The following SERPINB7 variants were observed in gnomAD, a reference collection of about 807,000 sequenced individuals.
The protein encoded by SERPINB7 is serpin family B member 7.
A neutral mutation model predicts 37.4 loss-of-function variants in SERPINB7; 31 were observed. The observed-to-expected ratio is 0.83, with a 90% CI of 0.62 to 1.12. The LOEUF is 1.12. Among genes scored for constraint, SERPINB7 ranks in the 50% most tolerant of loss-of-function variants. The pLI is 0.00. For missense variants in SERPINB7, 521 were observed against 455.3 expected, an observed-to-expected ratio of 1.14 and a Z score of -1.31; for synonymous variants, 163 against 166.1, an observed-to-expected ratio of 0.98 and a Z score of 0.14.
At chr18:63,782,586 C>A in intron 2 of SERPINB7, 46 bp downstream of exon 2, 2 of 1,526,050 alleles carry the variant, frequency 1.3e-6, no homozygotes, top group South Asian at 2.6e-5. Flanking sequence ...AATTGTTTTT[C>A]CCACGAGAAC....
At chr18:63,767,867 T>C (rs2049189082) in intron 1 of SERPINB7, among the ~76,000 whole-genome samples, 1 of 152,084 alleles carries the variant, frequency 6.6e-6, no homozygotes, top group South Asian at 2.1e-4. Flanking sequence ...ATTCAGGTGA[T>C]TTGTTTAATA....
At chr18:63,769,952 T>C (rs1484900733) in intron 1 of SERPINB7, among the ~76,000 whole-genome samples, 1 of 151,166 alleles carries the variant, frequency 6.6e-6, no homozygotes, top group Non-Finnish European at 1.5e-5. Context: ...GGATCCCACC[T>C]CACGACTTGG....
chr18:63,803,436 C>T (rs1212104367), intron 7 of SERPINB7, among the ~76,000 whole-genome samples: 4 of 152,062 alleles, frequency 2.6e-5, no homozygotes, highest in African/African-American at 7.2e-5. Context: ...GAAGAAATGT[C>T]CTTATGTAAG....
chr18:63,804,704 A>G lies in SERPINB7; in HGVS notation c.*69A>G. The G allele has an allele frequency of 6.9e-7, 1 of 1,441,236 alleles. No homozygotes were observed. The highest frequency in any genetic ancestry group is 1.4e-5 in the South Asian group (1 of 73,484). The allele number at this position is 1,441,236 out of a possible 1,614,324, so 89.3% of individuals were successfully genotyped here. A position where few individuals can be genotyped will look rare whatever the true frequency, so the allele number is the denominator to read the frequency against. ...GAACCACCACAAGTCAATAGATTTG[A>G]GTTTAATTGGAAAAATGTGGTGTTT... On this transcript the variant is annotated 3_prime_UTR_variant, in exon 8 of 8. Coordinates refer to ENST00000398019, the MANE Select transcript of SERPINB7 (RefSeq NM_003784.4).
chr18:63,774,965 T>G (rs1457881482), upstream of SERPINB7, among the ~76,000 whole-genome samples: 1 of 152,034 alleles, frequency 6.6e-6, no homozygotes, highest in Non-Finnish European at 1.5e-5. Flanking sequence ...TGTGTGAGAT[T>G]CTATTTTAGG....
chr18:63,778,722 T>C (rs1484736529), intron 1 of SERPINB7, among the ~76,000 whole-genome samples: 1 of 152,122 alleles, frequency 6.6e-6, no homozygotes, highest in African/African-American at 2.4e-5. Flanking sequence ...TTATTGTTGT[T>C]TTGATGCTAA....
Position 63,798,621 on chromosome 18 carries a change from A to G in SERPINB7, c.472A>G (p.Ile158Val). Residue 158 changes from isoleucine to valine, a missense_variant, in exon 6 of 8, where the codon ATT becomes GTT. Coordinates refer to ENST00000398019, the MANE Select transcript of SERPINB7 (RefSeq NM_003784.4). ...NETHGKIKNV[I>V]GEGGISSSAV... ...TTCAAAAGGCAAAATCAAGAACGTGATTGGTGAAGGTGGCATAAGCTCATC... is the reference window on the plus strand; with the variant it reads ...TTCAAAAGGCAAAATCAAGAACGTGGTTGGTGAAGGTGGCATAAGCTCATC... 6.4e-7 allele frequency: 1 copy of G among 1,567,154 alleles called. No homozygotes were observed. Among genetic ancestry groups the G allele is most frequent in the Non-Finnish European group, 8.6e-7 (1 of 1,158,294 alleles).
chr18:63,785,563 A>G (rs2049355434), intron 2 of SERPINB7, among the ~76,000 whole-genome samples: 1 of 152,138 alleles, frequency 6.6e-6, no homozygotes, highest in East Asian at 1.9e-4. Context: ...AGTATAGAGT[A>G]AATATATATG....
intron 2 of SERPINB7, among the ~76,000 whole-genome samples, chr18:63,785,070 C>G (rs1266710003): frequency 6.6e-6 from 1 of 152,156 alleles, no homozygotes; most frequent in Non-Finnish European, 1.5e-5. Flanking sequence ...TTTTATAACT[C>G]TTACTATTAT....
intron 5 of SERPINB7, among the ~76,000 whole-genome samples, chr18:63,797,568 A>G (rs530326956): frequency 6.6e-6 from 1 of 152,254 alleles, no homozygotes; most frequent in African/African-American, 2.4e-5. Context: ...TAATTACTCT[A>G]ATTTTTCATA....
At chr18:63,794,516 C>G (rs1291069241) in intron 4 of SERPINB7, among the ~76,000 whole-genome samples, 1 of 151,898 alleles carries the variant, frequency 6.6e-6, no homozygotes, top group Non-Finnish European at 1.5e-5. Flanking sequence ...CGGTGAAACC[C>G]TGTCTCTACT....
At chr18:63,772,955 C>T (rs373305700), upstream of SERPINB7, among the ~76,000 whole-genome samples, 13 of 151,968 alleles carry the variant, frequency 8.6e-5, no homozygotes, top group Admixed American at 4.6e-4. Context: ...GTGAAAGCTG[C>T]GATTATTCAT....
At chr18:63,776,817 A>T (rs1284417063) in intron 1 of SERPINB7, among the ~76,000 whole-genome samples, 1 of 151,918 alleles carries the variant, frequency 6.6e-6, no homozygotes, top group Non-Finnish European at 1.5e-5. Flanking sequence ...TGGAGTTAAT[A>T]ATTATCAAAT....
chr18:63,802,269 G>A (rs1720867), intron 7 of SERPINB7, among the ~76,000 whole-genome samples: 18,517 of 152,136 alleles, frequency 0.12, 1,875 homozygotes, highest in East Asian at 0.42. Context: ...GGTGGGGGCC[G>A]TGCAAGCCAG....
At position 63,778,091 on chromosome 18, in the gene SERPINB7, C is replaced by T. The variant is rs146251135; in HGVS notation, c.-19+2375C>T. On this transcript the variant is annotated intron_variant, in intron 1 of 7. Transcript: ENST00000398019. ...TGTCATGGGAGAATGGCATGGGAAT[C>T]GGATGCCAGCTGAAAAATTTGTGTT... The T allele has an allele frequency of 7.0e-3, 1,069 of 152,092 alleles. 9 individuals carry two copies. The highest frequency in any genetic ancestry group is 0.01 in the Non-Finnish European group (697 of 67,982). 9.4% of individuals were successfully genotyped at this position (152,092 alleles called of 1,614,324 possible).
At chr18:63,764,589 G>A (rs988850227) in intron 1 of SERPINB7, among the ~76,000 whole-genome samples, 1 of 152,020 alleles carries the variant, frequency 6.6e-6, no homozygotes, top group Non-Finnish European at 1.5e-5. Context: ...ATACTCTCCA[G>A]TCAGGTATTT....
chr18:63,767,040 T>G (rs1422569183), intron 1 of SERPINB7, among the ~76,000 whole-genome samples: 1 of 152,190 alleles, frequency 6.6e-6, no homozygotes, highest in Non-Finnish European at 1.5e-5. Flanking sequence ...ACAGCATGGT[T>G]AGCCTTCTCC....
In SERPINB7 at chr18:63,804,644, T is replaced by C. The variant is rs746620786; in HGVS notation, c.*9T>C. ...AAGTTTCTTGCCCTTGAAAATCCAA[T>C]TGGTTTCTGTTATAGCAGTCCCCAC... On this transcript the variant is annotated 3_prime_UTR_variant, in exon 8 of 8. Transcript: ENST00000398019. 26 of 1,595,978 alleles carry C rather than the reference T, an allele frequency of 1.6e-5. No individual in the cohort carries two copies. Among genetic ancestry groups the C allele is most frequent in the African/African-American group, 1.3e-4 (10 of 74,426 alleles).
intron 1 of SERPINB7, among the ~76,000 whole-genome samples, chr18:63,760,478 A>C (rs561506347): frequency 1.3e-5 from 2 of 152,204 alleles, no homozygotes; most frequent in Non-Finnish European, 2.9e-5. Flanking sequence ...GGAGAAATTC[A>C]AGCTGGCTGC....
Sources: gnomAD v4.1 joint callset for allele counts (sites outside exome capture counted in the v4.1 genomes callset) on GRCh38, gnomAD v4.1.1 for gene constraint, MANE v1.5 for transcripts, NCBI Gene and HGNC (gene_info 2026-07-23, HGNC 2026-07-21) for gene names.